ALX4: variants seen among roughly 807,000 people sequenced by gnomAD.
ALX4 encodes the protein ALX homeobox 4.
A neutral mutation model predicts 40.6 loss-of-function variants in ALX4; 22 were observed. The observed-to-expected ratio is 0.54, with a 90% CI of 0.39 to 0.77. The LOEUF (loss-of-function observed/expected upper bound fraction) is 0.77, where lower values mean the gene tolerates loss of function less well. ALX4 is among the 30% of genes least tolerant of loss of function. The pLI, the probability that ALX4 is intolerant of heterozygous loss-of-function variation, is 0.00. For missense variants in ALX4, 556 were observed against 564.8 expected (o/e 0.98, Z 0.16); for synonymous variants, 266 against 240.5 (o/e 1.11, Z -0.98).
At chr11:44,271,719 T>C (rs779873606) in intron 2 of ALX4, among the ~76,000 whole-genome samples, 1 of 152,216 alleles carries the variant, frequency 6.6e-6, no homozygotes, top group Non-Finnish European at 1.5e-5. Context: ...TGCGCGCGCA[T>C]GTGTGTGTGC....
intron 1 of ALX4, among the ~76,000 whole-genome samples, chr11:44,293,099 AGAAGGAAGGAAGGAAGGAAG>A (rs1172183534): frequency 2.7e-5 from 1 of 37,180 alleles, no homozygotes; most frequent in African/African-American, 1.0e-4. Context: ...CCTGTCTGAG[AGAAGGAAGGAAGGAAGGAAG>A]GAAGGAAGGA....
chr11:44,289,381 C>G (rs1005320256), intron 1 of ALX4, among the ~76,000 whole-genome samples: 1 of 152,184 alleles, frequency 6.6e-6, no homozygotes, highest in Non-Finnish European at 1.5e-5. Context: ...GCCTTGTATT[C>G]GTGTTGCCCT....
intron 2 of ALX4, among the ~76,000 whole-genome samples, chr11:44,271,814 ATTC>A (rs1326427879): frequency 2.6e-5 from 4 of 152,150 alleles, no homozygotes; most frequent in Admixed American, 1.3e-4. Flanking sequence ...TCAAGGCGTC[ATTC>A]TTCTTTCAGT....
In ALX4 at chr11:44,265,076, G is replaced by A; in HGVS notation, c.1014C>T (p.Pro338=). 1 of 1,613,016 alleles carries A rather than the reference G, an allele frequency of 6.2e-7. No individual in the cohort carries two copies. The highest frequency in any genetic ancestry group is 8.5e-7 in the Non-Finnish European group (1 of 1,179,930). Residue 338 remains proline (P), a synonymous_variant, in exon 4 of 4, where the codon CCC becomes CCT. Coordinates refer to ENST00000652299, the MANE Select transcript of ALX4 (RefSeq NM_021926.4). ...TGACGCTGCTGGCCCCAGAGCCAGG[G>A]GGGTGGGCATGAGGGGACATGCAGG... ...VPACMSPHAH[P]PGSGASSVTD...
chr11:44,302,194 G>T lies in ALX4; in HGVS notation c.466+7403C>A, dbSNP rs749275138. Among the ~76,000 whole-genome samples the T allele has an allele frequency of 5.3e-5, 8 of 152,152 alleles. 1 individual carries two copies. The highest frequency in any genetic ancestry group is 2.0e-4 in the Admixed American group (3 of 15,286). Reference sequence around the variant, plus strand: ...GCCGTGCACACGGGTACTCACCCTTGCACACCTGAGGCTCGCACACTGGGG... The same window carrying T: ...GCCGTGCACACGGGTACTCACCCTTTCACACCTGAGGCTCGCACACTGGGG... On this transcript the variant is annotated intron_variant, in intron 1 of 3. Coordinates refer to ENST00000652299, the MANE Select transcript of ALX4 (RefSeq NM_021926.4).
chr11:44,305,439 T>G (rs980564747), intron 1 of ALX4, among the ~76,000 whole-genome samples: 4 of 152,196 alleles, frequency 2.6e-5, no homozygotes, highest in Admixed American at 2.0e-4. Context: ...AGTCGCCCCT[T>G]CCTGAGCAGG....
intron 2 of ALX4, among the ~76,000 whole-genome samples, chr11:44,271,454 T>A (rs755587477): frequency 6.6e-6 from 1 of 152,202 alleles, no homozygotes; most frequent in Non-Finnish European, 1.5e-5. Context: ...AGCACTACCG[T>A]TCTATAGTTC....
At chr11:44,273,992 G>A (rs1956263438) in intron 2 of ALX4, among the ~76,000 whole-genome samples, 1 of 151,794 alleles carries the variant, frequency 6.6e-6, no homozygotes, top group African/African-American at 2.4e-5. Flanking sequence ...AGATAAAATG[G>A]GCCCAGGCAT....
chr11:44,276,578 T>TACC (rs973092782), intron 1 of ALX4, among the ~76,000 whole-genome samples: 1 of 152,180 alleles, frequency 6.6e-6, no homozygotes, highest in African/African-American at 2.4e-5. Context: ...GAAGCCACTT[T>TACC]ACCACCACAC....
At chr11:44,307,696 G>C (rs1007835930) in intron 1 of ALX4, among the ~76,000 whole-genome samples, 3 of 152,238 alleles carry the variant, frequency 2.0e-5, no homozygotes, top group Non-Finnish European at 4.4e-5. Context: ...TGACAGGGAC[G>C]AGCTGGGGCC....
rs556404097 is a variant in ALX4, at chr11:44,263,483, C to G, written c.*1371G>C. 6.6e-6 allele frequency: 1 copy of G among 152,302 alleles called. No homozygotes were observed. The highest frequency in any genetic ancestry group is 1.5e-5 in the Non-Finnish European group (1 of 68,110). The allele number at this position is 152,302 out of a possible 1,614,324, so 9.4% of individuals were successfully genotyped here. ...CCCATTTGCAATAGCAAAGCCACAC[C>G]GAGGAGCCCAGGCCAGGAGCCCTTC... On this transcript the variant is annotated 3_prime_UTR_variant, in exon 4 of 4. Coordinates refer to ENST00000652299, the MANE Select transcript of ALX4 (RefSeq NM_021926.4).
intron 1 of ALX4, among the ~76,000 whole-genome samples, chr11:44,283,718 C>T (rs1444133196): frequency 6.6e-6 from 1 of 152,060 alleles, no homozygotes; most frequent in African/African-American, 2.4e-5. Flanking sequence ...CATGGGCCAC[C>T]ACACCCCGCT....
At chr11:44,295,142 C>T (rs186965420) in intron 1 of ALX4, among the ~76,000 whole-genome samples, 32 of 152,310 alleles carry the variant, frequency 2.1e-4, no homozygotes, top group Admixed American at 2.0e-3. Flanking sequence ...TGAGCAACCA[C>T]ACCTGGCTTT....
chr11:44,270,748 G>C (rs375727422), intron 2 of ALX4, among the ~76,000 whole-genome samples: 2 of 152,144 alleles, frequency 1.3e-5, no homozygotes, highest in Admixed American at 6.5e-5. Flanking sequence ...CTGTTCTCCC[G>C]GTCTGAATGT....
intron 1 of ALX4, among the ~76,000 whole-genome samples, chr11:44,299,450 T>C (rs979723293): frequency 2.1e-5 from 3 of 140,070 alleles, no homozygotes; most frequent in Non-Finnish European, 4.5e-5. Flanking sequence ...AAGCTCCGCC[T>C]CCCGGGTTCA....
At chr11:44,275,688 C>A in intron 1 of ALX4, 30 bp from the exon 2 acceptor site, 1 of 1,606,782 alleles carries the variant, frequency 6.2e-7, no homozygotes, top group South Asian at 1.1e-5. Flanking sequence ...AGTCAGAAAC[C>A]AATGGTTGAA....
chr11:44,309,537 G>A, intron 1 of ALX4, 60 bp downstream of exon 1: 1 of 1,531,680 alleles, frequency 6.5e-7, no homozygotes, highest in Non-Finnish European at 8.7e-7. Flanking sequence ...CAGTTTCAAG[G>A]GATGCGGAAG....
chr11:44,298,208 G>T (rs1956414685), intron 1 of ALX4, among the ~76,000 whole-genome samples: 1 of 152,204 alleles, frequency 6.6e-6, no homozygotes, highest in Non-Finnish European at 1.5e-5. Flanking sequence ...CTGTAAAATG[G>T]AGATTCAATT....
chr11:44,292,890 G>A (rs1022074260), intron 1 of ALX4, among the ~76,000 whole-genome samples: 9 of 152,156 alleles, frequency 5.9e-5, no homozygotes, highest in Admixed American at 1.3e-4. Flanking sequence ...GAGCTCAGGA[G>A]TTTGAGACCA....
Sources: gnomAD v4.1 joint callset for allele counts (sites outside exome capture counted in the v4.1 genomes callset) on GRCh38, gnomAD v4.1.1 for gene constraint, MANE v1.5 for transcripts, NCBI Gene and HGNC (gene_info 2026-07-23, HGNC 2026-07-21) for gene names.